The following TRIM49C variants were observed in gnomAD, a reference collection of about 807,000 sequenced individuals.
The protein encoded by TRIM49C is tripartite motif containing 49C.
A neutral mutation model predicts 21.4 loss-of-function variants in TRIM49C; 6 were observed. That is an observed-to-expected ratio of 0.28 (90% CI 0.15 to 0.55). The LOEUF is 0.55. TRIM49C is among the 20% of genes least tolerant of loss of function. TRIM49C has a pLI of 0.94. For synonymous variants in TRIM49C, 57 were observed against 148.1 expected (o/e 0.38, Z 4.47); for missense variants, 161 against 442.4 (o/e 0.36, Z 5.71).
chr11:90,053,546 C>G, the TRIM49C span: 1 of 155,978 alleles, frequency 6.4e-6, no homozygotes, highest in African/African-American at 2.4e-5. Flanking sequence ...TGCTCCTCCT[C>G]GTCCTGGAAA....
the TRIM49C span, chr11:90,051,790 G>T: frequency 3.1e-6 from 1 of 323,788 alleles, no homozygotes; most frequent in Non-Finnish European, 5.6e-6. Flanking sequence ...GCCCAGCCCC[G>T]CGGCCTTGCC....
chr11:90,054,412 TTTTA>T, the TRIM49C span, among the ~76,000 whole-genome samples: 4 of 134,984 alleles, frequency 3.0e-5, 1 homozygote, highest in Non-Finnish European at 6.4e-5. Context: ...CAAGAGGTGA[TTTTA>T]TTTATTTATT....
downstream of TRIM49C, among the ~76,000 whole-genome samples, chr11:90,046,400 A>G (rs1209460067): frequency 1.1e-4 from 14 of 126,972 alleles, 1 homozygote; most frequent in African/African-American, 4.3e-4. Context: ...CTGTGAATCC[A>G]TCTGGACCCG....
chr11:90,049,183 G>A, the TRIM49C span, among the ~76,000 whole-genome samples: 3 of 122,484 alleles, frequency 2.4e-5, 1 homozygote, highest in Non-Finnish European at 3.4e-5. Flanking sequence ...CCTACTGGGG[G>A]TGCCTCCTGG....
the TRIM49C span, among the ~76,000 whole-genome samples, chr11:90,066,300 G>A: frequency 5.8e-5 from 8 of 138,678 alleles, 1 homozygote; most frequent in East Asian, 2.3e-4. Context: ...GATTACAAGC[G>A]TGAGCCACTG....
At chr11:90,031,714 C>T (rs1950689091) in intron 1 of TRIM49C, among the ~76,000 whole-genome samples, 3 of 150,778 alleles carry the variant, frequency 2.0e-5, no homozygotes, top group South Asian at 2.1e-4. Context: ...TGAGAGACCC[C>T]AGGTTAGTGG....
chr11:90,071,912 T>C, the TRIM49C span: 629 of 462,510 alleles, frequency 1.4e-3, 9 homozygotes, highest in African/African-American at 0.011. Flanking sequence ...TGTGAATAGG[T>C]ATTTACATTT....
chr11:90,062,419 T>G, the TRIM49C span, among the ~76,000 whole-genome samples: 9 of 139,170 alleles, frequency 6.5e-5, no homozygotes, highest in African/African-American at 2.5e-4. Context: ...CAGCTGTGAT[T>G]AGAGTGCCAA....
the TRIM49C span, chr11:90,053,351 C>T: frequency 2.3e-4 from 33 of 144,884 alleles, 3 homozygotes; most frequent in South Asian, 4.9e-3. Flanking sequence ...TGTGGGGGTA[C>T]TCAGCTAAGG....
Position 90,041,458 on chromosome 11 carries a change from G to C in TRIM49C, c.1267G>C (p.Val423Leu). 6.4e-7 allele frequency: 1 copy of C among 1,556,036 alleles called. No individual in the cohort carries two copies. Among genetic ancestry groups the C allele is most frequent in the Non-Finnish European group, 8.7e-7 (1 of 1,148,716 alleles). ...TTGTGAGGCTAAGACTGTGAGCTTTGTTGATGTTAATCAAAGCTCCCTAAT... is the reference window on the plus strand; with the variant it reads ...TTGTGAGGCTAAGACTGTGAGCTTTCTTGATGTTAATCAAAGCTCCCTAAT... ...LDCEAKTVSF[V>L]DVNQSSLIYT... Residue 423 changes from valine (V) to leucine (L), a missense_variant, in exon 8 of 8, where the codon GTT (valine) becomes CTT (leucine). Val to Leu is a conservative substitution (Grantham distance 32, BLOSUM62 1). This residue lies in a region of TRIM49C where 18 missense variants were observed against 60.0 expected (regional missense o/e 0.30). Coordinates refer to ENST00000448984, the MANE Select transcript of TRIM49C (RefSeq NM_001195234.1).
chr11:90,072,525 TC>T, the TRIM49C span, among the ~76,000 whole-genome samples: 1 of 135,104 alleles, frequency 7.4e-6, no homozygotes, highest in Non-Finnish European at 1.6e-5. Flanking sequence ...TTTATTTGGG[TC>T]TAAGAATGGC....
At chr11:90,069,099 G>A in the TRIM49C span, among the ~76,000 whole-genome samples, 1 of 100,430 alleles carries the variant, frequency 1.0e-5, no homozygotes, top group African/African-American at 3.4e-5. Flanking sequence ...GTTTTGTTTT[G>A]TTTTTGTTTT....
chr11:90,059,918 T>TG, the TRIM49C span, among the ~76,000 whole-genome samples: 1 of 144,294 alleles, frequency 6.9e-6, no homozygotes, highest in African/African-American at 2.6e-5. Context: ...TTTTTTTTTT[T>TG]TTAACCTCCC....
Position 90,033,458 on chromosome 11 carries a change from C to T in TRIM49C, c.-5+876C>T, listed in dbSNP as rs1451341047. ...TTATAATACCAATATGTTTACTGTACCCTTTCTGTATTCAATTATGTTTAG... is the reference window on the plus strand; with the variant it reads ...TTATAATACCAATATGTTTACTGTATCCTTTCTGTATTCAATTATGTTTAG... On this transcript the variant is annotated intron_variant, in intron 2 of 7. Coordinates refer to ENST00000448984, the MANE Select transcript of TRIM49C (RefSeq NM_001195234.1). Among the ~76,000 whole-genome samples the T allele has an allele frequency of 3.0e-5, 4 of 135,346 alleles. 1 individual carries two copies. Among genetic ancestry groups the T allele is most frequent in the Non-Finnish European group, 1.6e-5 (1 of 62,646 alleles). The allele number at this position is 135,346 out of a possible 152,430, so 88.8% of individuals were successfully genotyped here. A position where few individuals can be genotyped will look rare whatever the true frequency, so the allele number is the denominator to read the frequency against.
At chr11:90,056,017 GGC>G in the TRIM49C span, among the ~76,000 whole-genome samples, 1 of 125,180 alleles carries the variant, frequency 8.0e-6, no homozygotes, top group South Asian at 2.7e-4. Context: ...GGATTGCAGT[GGC>G]ACAATCTTGG....
the TRIM49C span, among the ~76,000 whole-genome samples, chr11:90,060,502 A>G: frequency 6.6e-6 from 1 of 152,064 alleles, no homozygotes; most frequent in Middle Eastern, 3.4e-3. Flanking sequence ...GGAGTAAAGC[A>G]AAGATATCTA....
chr11:90,071,809 T>G, the TRIM49C span: 22 of 964,554 alleles, frequency 2.3e-5, 2 homozygotes, highest in Non-Finnish European at 3.4e-5. Context: ...TGTGGCCCTC[T>G]TGGTGGGATC....
the TRIM49C span, among the ~76,000 whole-genome samples, chr11:90,054,626 C>A: frequency 1.5e-5 from 2 of 131,316 alleles, no homozygotes; most frequent in African/African-American, 5.6e-5. Context: ...TTCAAGATTT[C>A]TGGATTAATG....
At chr11:90,069,363 C>T in the TRIM49C span, among the ~76,000 whole-genome samples, 1 of 130,122 alleles carries the variant, frequency 7.7e-6, no homozygotes, top group African/African-American at 2.9e-5. Context: ...CCGCCCACCT[C>T]GACCTCCCAA....
Sources: allele counts gnomAD v4.1 joint callset (sites outside exome capture counted in the v4.1 genomes callset), GRCh38; gene constraint gnomAD v4.1.1; regional missense constraint gnomAD v4.1.1; transcripts MANE v1.5; gene names NCBI Gene and HGNC (gene_info 2026-07-23, HGNC 2026-07-21).